The following CDH4 variants were observed in gnomAD, a reference collection of about 807,000 sequenced individuals.
CDH4 encodes the protein cadherin-4.
In CDH4, 33 loss-of-function variants were observed where a neutral mutation model predicts 86.0. That is an observed-to-expected ratio of 0.38 (90% CI 0.29 to 0.51). The LOEUF is 0.51. Among genes scored for constraint, CDH4 ranks in the 20% least tolerant of loss-of-function variants. CDH4 has a pLI of 0.86. For missense variants in CDH4, 1,114 were observed against 1,307.4 expected (o/e 0.85, Z 2.28); for synonymous variants, 555 against 549.4 (o/e 1.01, Z -0.14).
chr20:61,398,248 A>T (rs2085030065), intron 2 of CDH4, among the ~76,000 whole-genome samples: 1 of 152,222 alleles, frequency 6.6e-6, no homozygotes, highest in Non-Finnish European at 1.5e-5. Flanking sequence ...GTAGATTTGC[A>T]TTCTAGATTT....
chr20:61,895,857 T>C (rs781681045), intron 8 of CDH4, among the ~76,000 whole-genome samples: 8 of 152,088 alleles, frequency 5.3e-5, no homozygotes, highest in Non-Finnish European at 1.2e-4. Context: ...CAGGCTGTCA[T>C]TTTGGGCCCC....
At chr20:61,704,837 G>A (rs2087812700) in intron 2 of CDH4, among the ~76,000 whole-genome samples, 1 of 152,176 alleles carries the variant, frequency 6.6e-6, no homozygotes, top group African/African-American at 2.4e-5. Context: ...GATGCCAGTA[G>A]CACCACCCCC....
At position 61,852,847 on chromosome 20, in the gene CDH4, G is replaced by A; in HGVS notation, c.826G>A (p.Glu276Lys). 6.2e-7 allele frequency: 1 copy of A among 1,614,114 alleles called. No homozygotes were observed. Residue 276 changes from glutamate to lysine, a missense_variant, in exon 6 of 16, where the codon GAG (glutamate) becomes AAG (lysine). This residue lies in a region of CDH4 where 705 missense variants were observed against 914.1 expected (regional missense o/e 0.77). Coordinates refer to ENST00000614565, the MANE Select transcript of CDH4 (RefSeq NM_001794.5). Reference protein sequence around the residue: ...YVIDMNDNRPEFINQVYNGSV... With the variant: ...YVIDMNDNRPKFINQVYNGSV... ...CATCGACATGAATGACAACCGCCCT[G>A]AGTTCATCAACCAGGTCTACAACGG...
chr20:61,709,126 G>A lies in CDH4; in HGVS notation c.170-34437G>A, dbSNP rs112955435. The stretch of plus-strand genomic sequence containing the variant: ...AAGCCTCGGGTCCCAGTGGCGTAGC[G>A]GCCGCCCAAATGATGAGCCCACAAC... On this transcript the variant is annotated intron_variant, in intron 2 of 15. Coordinates refer to ENST00000614565, the MANE Select transcript of CDH4 (RefSeq NM_001794.5). This position sits in a 1 kb window ranked among gnomAD's most constrained non-coding sequence, Gnocchi z 4.8. Among the ~76,000 whole-genome samples, 76 of 152,276 alleles carry A rather than the reference G, an allele frequency of 5.0e-4. No individual in the cohort carries two copies. The highest frequency in any genetic ancestry group is 1.6e-3 in the African/African-American group (67 of 41,564).
At chr20:61,912,653 C>T (rs2054862197) in intron 9 of CDH4, among the ~76,000 whole-genome samples, 1 of 152,204 alleles carries the variant, frequency 6.6e-6, no homozygotes, top group South Asian at 2.1e-4. Context: ...AAGCTTTCTT[C>T]TTCAAGAGAG....
chr20:61,895,133 CGGCTCTGCCT>C, intron 8 of CDH4, 86 bp downstream of exon 8: 1 of 1,483,378 alleles, frequency 6.7e-7, no homozygotes, highest in South Asian at 1.3e-5. Context: ...TCTCTCTCTG[CGGCTCTGCCT>C]GACGGGCACT....
chr20:61,804,602 TCTC>T (rs960640442), intron 4 of CDH4, among the ~76,000 whole-genome samples: 8 of 152,172 alleles, frequency 5.3e-5, no homozygotes, highest in Non-Finnish European at 8.8e-5. Context: ...ATCCCTCCTG[TCTC>T]CTCTGTGGAC....
intron 2 of CDH4, among the ~76,000 whole-genome samples, chr20:61,630,389 C>T (rs755914873): frequency 2.0e-5 from 3 of 152,286 alleles, no homozygotes; most frequent in South Asian, 2.1e-4. Flanking sequence ...CAGGGAAGGG[C>T]GAAGTGTCAG....
intron 2 of CDH4, among the ~76,000 whole-genome samples, chr20:61,300,375 C>T (rs2084379507): frequency 6.6e-6 from 1 of 152,126 alleles, no homozygotes; most frequent in African/African-American, 2.4e-5. Flanking sequence ...CTCAGCTGCT[C>T]CCGGGAACCT....
intron 2 of CDH4, among the ~76,000 whole-genome samples, chr20:61,729,705 C>T (rs1037949061): frequency 4.6e-5 from 7 of 152,224 alleles, no homozygotes; most frequent in African/African-American, 7.2e-5. Flanking sequence ...AAGGCACACA[C>T]TTGTTGCCAT....
chr20:61,547,224 G>A (rs2427163), intron 2 of CDH4, among the ~76,000 whole-genome samples: 16 of 62,256 alleles, frequency 2.6e-4, no homozygotes, highest in East Asian at 4.8e-4. Flanking sequence ...TTTTTTTTTT[G>A]CCCCCTGAGA....
At chr20:61,324,015 A>G (rs2084523825) in intron 2 of CDH4, among the ~76,000 whole-genome samples, 1 of 152,224 alleles carries the variant, frequency 6.6e-6, no homozygotes, top group African/African-American at 2.4e-5. Context: ...GTTTCCAACA[A>G]GATAGAACTT....
chr20:61,867,905 C>A (rs573099757), intron 6 of CDH4, among the ~76,000 whole-genome samples: 3 of 152,306 alleles, frequency 2.0e-5, no homozygotes, highest in African/African-American at 7.2e-5. Flanking sequence ...CCGATGACTC[C>A]GGCCATCTCA....
At chr20:61,521,374 G>A (rs2085867761) in intron 2 of CDH4, among the ~76,000 whole-genome samples, 1 of 152,224 alleles carries the variant, frequency 6.6e-6, no homozygotes. Flanking sequence ...TATTTTAAGA[G>A]GAGGAGAGCG....
rs554578841 is a variant in CDH4 at position 61,269,974 on chromosome 20, C to T, written c.169+15037C>T. Among the ~76,000 whole-genome samples, 7 of 152,180 alleles carry T rather than the reference C, an allele frequency of 4.6e-5. No individual in the cohort carries two copies. In the East Asian group the frequency reaches 7.7e-4, roughly 17 times the overall value. On this transcript the variant is annotated intron_variant, in intron 2 of 15. Transcript: ENST00000614565. The surrounding 1 kb of genome is among the most constrained non-coding windows in gnomAD (Gnocchi z 5.3). Reference sequence around the variant, plus strand: ...TGTGGAGAGGGCCGGCCGACCTTTGCGGCAGTCATTTTTCCATCAGAAGGT... The same window carrying T: ...TGTGGAGAGGGCCGGCCGACCTTTGTGGCAGTCATTTTTCCATCAGAAGGT...
chr20:61,708,464 G>T lies in CDH4; in HGVS notation c.170-35099G>T, dbSNP rs145370756. ...AGCATCCACCTCCTGCCACAGTCAG[G>T]GGGCTATGGAGAAACCCAATCCAGG... On this transcript the variant is annotated intron_variant, in intron 2 of 15. Transcript: ENST00000614565. This position sits in a 1 kb window ranked among gnomAD's most constrained non-coding sequence, Gnocchi z 4.5. Among the ~76,000 whole-genome samples the T allele has an allele frequency of 2.0e-5, 3 of 151,952 alleles. No homozygotes were observed. The highest frequency in any genetic ancestry group is 4.4e-5 in the Non-Finnish European group (3 of 68,020).
At chr20:61,664,713 G>A (rs1197071993) in intron 2 of CDH4, among the ~76,000 whole-genome samples, 1 of 152,246 alleles carries the variant, frequency 6.6e-6, no homozygotes, top group Non-Finnish European at 1.5e-5. Context: ...AGTGACATCT[G>A]TGGACGTTGG....
chr20:61,430,111 T>C (rs77916173), intron 2 of CDH4, among the ~76,000 whole-genome samples: 4,337 of 152,296 alleles, frequency 0.028, 98 homozygotes, highest in Non-Finnish European at 0.044. Flanking sequence ...CCCCTATACT[T>C]ATCTGTGGAC....
intron 4 of CDH4, among the ~76,000 whole-genome samples, chr20:61,774,585 C>T (rs575947624): frequency 5.3e-5 from 8 of 152,250 alleles, no homozygotes; most frequent in South Asian, 2.1e-4. Context: ...CCTAGGTAAA[C>T]GTGTGCCATG....
Sources: gnomAD v4.1 joint callset for allele counts (sites outside exome capture counted in the v4.1 genomes callset) on GRCh38, gnomAD v4.1.1 for gene constraint, gnomAD v4.1.1 regional missense constraint, Gnocchi (gnomAD v3.1) non-coding constraint, MANE v1.5 for transcripts, NCBI Gene and HGNC (gene_info 2026-07-23, HGNC 2026-07-21) for gene names.